Variants in FRMPD1 observed in about 807,000 individuals in gnomAD.
FRMPD1 encodes the protein FERM and PDZ domain-containing protein 1.
A neutral mutation model predicts 117.8 loss-of-function variants in FRMPD1; 76 were observed. The observed-to-expected ratio is 0.65, with a 90% CI of 0.54 to 0.78. FRMPD1 has a LOEUF of 0.78. Among genes scored for constraint, FRMPD1 ranks in the 30% least tolerant of loss-of-function variants. The pLI is 0.00. For missense variants in FRMPD1, 1,786 were observed against 1,964.5 expected (o/e 0.91, Z 1.72); for synonymous variants, 783 against 770.4 (o/e 1.02, Z -0.27).
At chr9:37,700,741 G>A (rs1822501120) in intron 2 of FRMPD1, among the ~76,000 whole-genome samples, 1 of 152,120 alleles carries the variant, frequency 6.6e-6, no homozygotes, top group African/African-American at 2.4e-5. Flanking sequence ...TGTTTGTTCT[G>A]GTTCTACCTT....
rs1187160406 is a variant in FRMPD1 at position 37,740,178 on chromosome 9, C to A, written c.1650C>A (p.Cys550Ter). Reference sequence around the variant, plus strand: ...GGCGCCTGGTGAAACTGGCACCCTGCAGATCACTCATAAAGGAGGAGCAGC... The same window carrying A: ...GGCGCCTGGTGAAACTGGCACCCTGAAGATCACTCATAAAGGAGGAGCAGC... ...SDRRLVKLAPCRSLIKEEQPP... is the reference protein window; with the variant it reads ...SDRRLVKLAP The change falls in exon 15 of 16, where the codon TGC becomes TGA. Residue 550 changes from cysteine (C) to a stop codon, truncating the protein, a stop_gained. Transcript: ENST00000377765. LOFTEE classifies it high-confidence loss of function. The surrounding 1 kb of genome is among the most constrained non-coding windows in gnomAD (Gnocchi z 4.2). 2 of 1,613,876 alleles carry A rather than the reference C, an allele frequency of 1.2e-6. No individual in the cohort carries two copies. Among genetic ancestry groups the A allele is most frequent in the South Asian group, 1.1e-5 (1 of 91,088 alleles).
intron 1 of FRMPD1, among the ~76,000 whole-genome samples, chr9:37,674,780 A>G (rs916372496): frequency 1.3e-5 from 2 of 152,202 alleles, no homozygotes; most frequent in Non-Finnish European, 2.9e-5. Flanking sequence ...CTTATTCACT[A>G]TCATGAGAAT....
At chr9:37,678,182 C>T (rs1461368683) in intron 1 of FRMPD1, among the ~76,000 whole-genome samples, 2 of 150,942 alleles carry the variant, frequency 1.3e-5, no homozygotes, top group Non-Finnish European at 2.9e-5. Context: ...TAAAATTCTG[C>T]CTACCCATGA....
At chr9:37,640,275 A>G in the FRMPD1 span, among the ~76,000 whole-genome samples, 1 of 152,202 alleles carries the variant, frequency 6.6e-6, no homozygotes, top group East Asian at 1.9e-4. Flanking sequence ...GCATACCCCT[A>G]TTCTATGCCT....
intron 15 of FRMPD1, among the ~76,000 whole-genome samples, chr9:37,742,568 A>G (rs1664113001): frequency 6.6e-6 from 1 of 152,140 alleles, no homozygotes; most frequent in South Asian, 2.1e-4. Flanking sequence ...GTCAAATGTG[A>G]CTGGGCATCA....
chr9:37,738,944 C>G (rs1313178071), intron 14 of FRMPD1, among the ~76,000 whole-genome samples: 1 of 152,010 alleles, frequency 6.6e-6, no homozygotes, highest in Non-Finnish European at 1.5e-5. Flanking sequence ...TGGAACGTGG[C>G]AGGGAAGGCT....
Position 37,746,803 on chromosome 9 carries a change from C to T in FRMPD1, c.*34C>T, listed in dbSNP as rs772282990. On this transcript the variant is annotated 3_prime_UTR_variant, in exon 16 of 16. Transcript: ENST00000377765. ...ACGGCCCAAGGGCCTCCTGCCCTGTCCTGCCTTGGACACTTCCCTGAGAAG... is the reference window on the plus strand; with the variant it reads ...ACGGCCCAAGGGCCTCCTGCCCTGTTCTGCCTTGGACACTTCCCTGAGAAG... 3 of 1,490,298 alleles carry T rather than the reference C, an allele frequency of 2.0e-6. No individual in the cohort carries two copies. Among genetic ancestry groups the T allele is most frequent in the Non-Finnish European group, 2.8e-6 (3 of 1,070,724 alleles). The allele number at this position is 1,490,298 out of a possible 1,614,324, so 92.3% of individuals were successfully genotyped here.
At chr9:37,691,862 G>A (rs920672428) in intron 1 of FRMPD1, among the ~76,000 whole-genome samples, 7 of 152,084 alleles carry the variant, frequency 4.6e-5, no homozygotes, top group African/African-American at 1.4e-4. Flanking sequence ...AGCCAAGATC[G>A]TGCCACTGCA....
At chr9:37,659,935 C>CAA (rs111503521) in intron 1 of FRMPD1, among the ~76,000 whole-genome samples, 2 of 108,748 alleles carry the variant, frequency 1.8e-5, no homozygotes, top group African/African-American at 3.9e-5. Flanking sequence ...AAAAAAAAAA[C>CAA]AAAACTGAGG....
At chr9:37,722,234 A>G (rs535541824) in intron 6 of FRMPD1, among the ~76,000 whole-genome samples, 192 of 152,132 alleles carry the variant, frequency 1.3e-3, no homozygotes, top group African/African-American at 4.5e-3. Context: ...TTATAGACCC[A>G]GGAGACAGAG....
At chr9:37,630,115 C>T in the FRMPD1 span, among the ~76,000 whole-genome samples, 3 of 152,150 alleles carry the variant, frequency 2.0e-5, no homozygotes. Flanking sequence ...TGTCAAAGGC[C>T]CCACCTTCTA....
intron 2 of FRMPD1, among the ~76,000 whole-genome samples, chr9:37,698,867 T>C (rs868590994): frequency 2.0e-5 from 3 of 152,014 alleles, no homozygotes; most frequent in Admixed American, 6.5e-5. Context: ...GCCTCCCGAG[T>C]AGCTGGGGTT....
chr9:37,719,500 C>T (rs1823300951), intron 6 of FRMPD1, among the ~76,000 whole-genome samples: 1 of 152,168 alleles, frequency 6.6e-6, no homozygotes, highest in African/African-American at 2.4e-5. Context: ...AATTTATTAT[C>T]CTCTCTGAGG....
At chr9:37,720,442 A>G (rs951579330) in intron 6 of FRMPD1, among the ~76,000 whole-genome samples, 2 of 152,188 alleles carry the variant, frequency 1.3e-5, no homozygotes, top group Admixed American at 1.3e-4. Context: ...AGGCGGGCAG[A>G]TCACAAGGTC....
At chr9:37,697,728 TTCAA>T (rs1258953697) in intron 2 of FRMPD1, among the ~76,000 whole-genome samples, 2 of 152,236 alleles carry the variant, frequency 1.3e-5, no homozygotes, top group Non-Finnish European at 2.9e-5. Flanking sequence ...ACCTTTTGCT[TTCAA>T]TCAAATTGTC....
At chr9:37,606,160 T>G in the FRMPD1 span, among the ~76,000 whole-genome samples, 5 of 152,162 alleles carry the variant, frequency 3.3e-5, no homozygotes, top group African/African-American at 1.2e-4. Flanking sequence ...AACAGGACTC[T>G]GTAATTAAAA....
intron 1 of FRMPD1, among the ~76,000 whole-genome samples, chr9:37,660,902 A>G (rs1042309508): frequency 6.6e-6 from 1 of 152,206 alleles, no homozygotes; most frequent in Non-Finnish European, 1.5e-5. Context: ...ATGCATGGCT[A>G]TGACTACTTC....
chr9:37,697,342 G>A (rs1434598708), intron 2 of FRMPD1, among the ~76,000 whole-genome samples: 1 of 152,090 alleles, frequency 6.6e-6, no homozygotes, highest in East Asian at 1.9e-4. Flanking sequence ...GTTCATGCCT[G>A]TAATCCCAGC....
intron 1 of FRMPD1, among the ~76,000 whole-genome samples, chr9:37,675,139 A>C (rs1380556987): frequency 6.6e-6 from 1 of 152,124 alleles, no homozygotes; most frequent in Non-Finnish European, 1.5e-5. Context: ...GGAAGAGATC[A>C]TGGTGGGGCA....
Sources: allele counts gnomAD v4.1 joint callset (sites outside exome capture counted in the v4.1 genomes callset), GRCh38; gene constraint gnomAD v4.1.1; non-coding constraint Gnocchi (gnomAD v3.1); transcripts MANE v1.5; gene names NCBI Gene and HGNC (gene_info 2026-07-23, HGNC 2026-07-21).